PACS1: variants seen among roughly 807,000 people sequenced by gnomAD.
The protein encoded by PACS1 is PACS-1.
In PACS1, 24 loss-of-function variants were observed where a neutral mutation model predicts 115.0. The ratio of observed to expected loss-of-function variants is 0.21; its 90% CI spans 0.15 to 0.29. The LOEUF is 0.29. PACS1 is among the 10% of genes least tolerant of loss of function. PACS1 has a pLI of 1.00. For synonymous variants in PACS1, 453 were observed against 504.5 expected, an observed-to-expected ratio of 0.90 and a Z score of 1.37; for missense variants, 838 against 1,251.2, an observed-to-expected ratio of 0.67 and a Z score of 4.98.
chr11:66,212,379 G>A (rs988499416), intron 4 of PACS1, among the ~76,000 whole-genome samples: 16 of 150,264 alleles, frequency 1.1e-4, no homozygotes, highest in South Asian at 2.1e-4. Context: ...TGATCCGCCC[G>A]CCTTGGCCTC....
intron 1 of PACS1, among the ~76,000 whole-genome samples, chr11:66,082,567 T>A (rs1441158239): frequency 6.6e-6 from 1 of 152,056 alleles, no homozygotes; most frequent in Non-Finnish European, 1.5e-5. Flanking sequence ...GTTTGTAAAA[T>A]GTTTGCGCAT....
chr11:66,096,923 C>A (rs1590741522), intron 1 of PACS1, among the ~76,000 whole-genome samples: 2 of 150,092 alleles, frequency 1.3e-5, no homozygotes, highest in South Asian at 4.2e-4. Flanking sequence ...CAGTTTTGAA[C>A]TCCTGGCTTT....
intron 1 of PACS1, among the ~76,000 whole-genome samples, chr11:66,148,364 C>T (rs1193751885): frequency 6.6e-6 from 1 of 152,106 alleles, no homozygotes; most frequent in African/African-American, 2.4e-5. Flanking sequence ...TGAGGCTGTA[C>T]TCACACTCCA....
chr11:66,199,390 G>A (rs1307340233), intron 2 of PACS1, among the ~76,000 whole-genome samples: 1 of 150,474 alleles, frequency 6.6e-6, no homozygotes, highest in East Asian at 2.0e-4. Flanking sequence ...TTGCTTCTTT[G>A]TTTTTTGTTT....
chr11:66,100,162 G>T (rs2134526808), intron 1 of PACS1, among the ~76,000 whole-genome samples: 1 of 152,298 alleles, frequency 6.6e-6, no homozygotes, highest in Admixed American at 6.5e-5. Context: ...TTACAGGCGT[G>T]GGCCACCACG....
chr11:66,188,961 G>T (rs1017919657), intron 1 of PACS1, among the ~76,000 whole-genome samples: 1 of 152,174 alleles, frequency 6.6e-6, no homozygotes, highest in African/African-American at 2.4e-5. Flanking sequence ...TCTGGACTGT[G>T]ATAGGCCTAA....
intron 1 of PACS1, among the ~76,000 whole-genome samples, chr11:66,176,286 A>G (rs1274828966): frequency 6.6e-6 from 1 of 152,148 alleles, no homozygotes; most frequent in Non-Finnish European, 1.5e-5. Flanking sequence ...ATTTATGTAC[A>G]TTTGTGCTCA....
In PACS1 at chr11:66,143,658, A is replaced by G. The variant is rs1019498401; in HGVS notation, c.357-49828A>G. 4.6e-5 allele frequency among the ~76,000 whole-genome samples: 7 copies of G among 152,104 alleles called. No homozygotes were observed. In the East Asian group the frequency reaches 1.2e-3, roughly 25 times the overall value. On this transcript the variant is annotated intron_variant, in intron 1 of 23. Coordinates refer to ENST00000320580, the MANE Select transcript of PACS1 (RefSeq NM_018026.4). ...TGAAGACCTTCTTTCTTGTTTTTTT[A>G]AGACAGAGTCTTACTCTGTTGCCCA...
At chr11:66,181,991 G>C (rs989881999) in intron 1 of PACS1, among the ~76,000 whole-genome samples, 4 of 152,190 alleles carry the variant, frequency 2.6e-5, no homozygotes, top group South Asian at 2.1e-4. Context: ...TTTCACATTT[G>C]CTAGTTCACA....
Position 66,070,578 on chromosome 11 carries a change from AGCC to A in PACS1, c.101_103del (p.Pro34del). 6 of 1,491,892 alleles carry A rather than the reference AGCC, an allele frequency of 4.0e-6. No homozygotes were observed. The highest frequency in any genetic ancestry group is 2.9e-5 in the East Asian group (1 of 34,778). 92.4% of individuals were successfully genotyped at this position (1,491,892 alleles called of 1,614,324 possible). ...TCCGGGGTCGCCCAGTCCCCTCAGC[AGCC>A]GCCGCCGCAGCAGCAGCAGCAGCAG... On this transcript the variant is annotated inframe_deletion, in exon 1 of 24. Transcript: ENST00000320580. This position sits in a 1 kb window ranked among gnomAD's most constrained non-coding sequence, Gnocchi z 5.9.
chr11:66,237,259 G>A (rs961954962), intron 19 of PACS1, among the ~76,000 whole-genome samples: 3 of 151,774 alleles, frequency 2.0e-5, no homozygotes, highest in South Asian at 2.1e-4. Context: ...ATGGCATTTC[G>A]CCATGGTGCC....
chr11:66,180,973 C>G (rs1312168072), intron 1 of PACS1, among the ~76,000 whole-genome samples: 2 of 152,046 alleles, frequency 1.3e-5, no homozygotes, highest in Non-Finnish European at 2.9e-5. Flanking sequence ...CAACCATTAT[C>G]CCTTTTATTT....
intron 1 of PACS1, among the ~76,000 whole-genome samples, chr11:66,179,205 T>C (rs1859944885): frequency 6.6e-6 from 1 of 152,224 alleles, no homozygotes; most frequent in African/African-American, 2.4e-5. Context: ...TTTTATATTT[T>C]ATTGACCACT....
chr11:66,239,415 C>T (rs1855768031), intron 21 of PACS1, 138 bp downstream of exon 21: 1 of 997,886 alleles, frequency 1.0e-6, no homozygotes, highest in South Asian at 1.8e-5. Flanking sequence ...CCTAGCTACT[C>T]AGGCTGAGGC....
At chr11:66,127,602 T>TGAACGTAAAATAAGTTCAGTGTG (rs1565116918) in intron 1 of PACS1, among the ~76,000 whole-genome samples, 1 of 152,202 alleles carries the variant, frequency 6.6e-6, no homozygotes. Flanking sequence ...AGTGTGTAAC[T>TGAACGTAAAATAAGTTCAGTGTG]TAAAATAAGC....
At chr11:66,075,847 C>T (rs1428280597) in intron 1 of PACS1, among the ~76,000 whole-genome samples, 1 of 151,328 alleles carries the variant, frequency 6.6e-6, no homozygotes, top group South Asian at 2.1e-4. Context: ...ACGCCATTCT[C>T]CTGCCTCAGC....
Position 66,243,538 on chromosome 11 carries a change from GCCTTCTGGTGC to G in PACS1, c.*261_*271del, listed in dbSNP as rs1855860006. On this transcript the variant is annotated 3_prime_UTR_variant, in exon 24 of 24. Transcript: ENST00000320580. The stretch of plus-strand genomic sequence containing the variant: ...TCCAGGCCCAAGGCGTGTTGGTTTT[GCCTTCTGGTGC>G]CCATAGTCCCCTGGACTGAGTCCCC... The G allele has an allele frequency of 4.0e-6, 2 of 500,990 alleles. No homozygotes were observed. The highest frequency in any genetic ancestry group is 7.2e-6 in the Non-Finnish European group (2 of 278,924). The allele number at this position is 500,990 out of a possible 1,614,324, so 31.0% of individuals were successfully genotyped here.
Position 66,216,596 on chromosome 11 carries a change from T to C in PACS1, c.882T>C (p.Asp294=), listed in dbSNP as rs747433230. The stretch of plus-strand genomic sequence containing the variant: ...CATCAGAACAGGAAGGCAGTGATGA[T>C]CCATTGCATGGGCAGGTAACTTTCT... ...SFSSEQEGSD[D]PLHGQDLFYE... Residue 294 remains aspartate (D), a synonymous_variant, in exon 6 of 24, where the codon GAT becomes GAC. Transcript: ENST00000320580. 1 of 1,613,674 alleles carries C rather than the reference T, an allele frequency of 6.2e-7. No individual in the cohort carries two copies. Among genetic ancestry groups the C allele is most frequent in the South Asian group, 1.1e-5 (1 of 91,070 alleles).
At chr11:66,099,416 G>A (rs533899902) in intron 1 of PACS1, among the ~76,000 whole-genome samples, 2 of 151,432 alleles carry the variant, frequency 1.3e-5, no homozygotes, top group East Asian at 3.9e-4. Flanking sequence ...AGTAGAGATG[G>A]GGTTTCACTG....
Sources: gnomAD v4.1 joint callset for allele counts (sites outside exome capture counted in the v4.1 genomes callset) on GRCh38, gnomAD v4.1.1 for gene constraint, Gnocchi (gnomAD v3.1) non-coding constraint, MANE v1.5 for transcripts, NCBI Gene and HGNC (gene_info 2026-07-23, HGNC 2026-07-21) for gene names.